Variants in PTPRD observed in about 807,000 individuals in gnomAD.
PTPRD encodes receptor-type tyrosine-protein phosphatase delta.
A neutral mutation model predicts 214.5 loss-of-function variants in PTPRD; 34 were observed. The ratio of observed to expected loss-of-function variants is 0.16; its 90% CI spans 0.12 to 0.21. The LOEUF is 0.21. Among genes scored for constraint, PTPRD ranks in the 10% least tolerant of loss-of-function variants. The pLI is 1.00. For missense variants in PTPRD, 2,545 were observed against 2,398.7 expected (o/e 1.06, Z -1.27); for synonymous variants, 1,128 against 845.7 (o/e 1.33, Z -5.79).
At chr9:9,417,246 C>T (rs2077261079) in intron 8 of PTPRD, among the ~76,000 whole-genome samples, 2 of 152,098 alleles carry the variant, frequency 1.3e-5, no homozygotes, top group Non-Finnish European at 2.9e-5. Context: ...GAATGTTAAT[C>T]TGCTTGGTAA....
At chr9:9,495,310 CAA>C (rs541722358) in intron 8 of PTPRD, among the ~76,000 whole-genome samples, 18 of 84,540 alleles carry the variant, frequency 2.1e-4, no homozygotes, top group Admixed American at 2.5e-4. Context: ...ACCTTCAAGC[CAA>C]AAAAAAAAAA....
At position 8,404,519 on chromosome 9, in the gene PTPRD, A is replaced by T. The variant is rs2130582214; in HGVS notation, c.4210+18T>A. 1 of 1,602,108 alleles carries T rather than the reference A, an allele frequency of 6.2e-7. No homozygotes were observed. The highest frequency in any genetic ancestry group is 2.2e-5 in the East Asian group (1 of 44,502). Reference sequence around the variant, plus strand: ...ATCCATGAAAATAAAGGTATCAGTGATGTCTGCATTTCCTTACCTTCTATA... The same window carrying T: ...ATCCATGAAAATAAAGGTATCAGTGTTGTCTGCATTTCCTTACCTTCTATA... On this transcript the variant is annotated intron_variant, in intron 36 of 45. Coordinates refer to ENST00000381196, the MANE Select transcript of PTPRD (RefSeq NM_002839.4).
chr9:9,434,225 G>A (rs1036705637), intron 8 of PTPRD, among the ~76,000 whole-genome samples: 7 of 152,088 alleles, frequency 4.6e-5, no homozygotes, highest in Admixed American at 1.3e-4. Flanking sequence ...AGATCTCTCT[G>A]AGCTTCTTCA....
intron 4 of PTPRD, among the ~76,000 whole-genome samples, chr9:9,941,603 G>A (rs150827559): frequency 0.012 from 1,849 of 152,292 alleles, 22 homozygotes; most frequent in Non-Finnish European, 0.018. Flanking sequence ...GATTACTGGC[G>A]TGAGCCACTG....
At chr9:9,719,487 A>T (rs2097896668) in intron 7 of PTPRD, among the ~76,000 whole-genome samples, 1 of 152,232 alleles carries the variant, frequency 6.6e-6, no homozygotes, top group Admixed American at 6.5e-5. Flanking sequence ...AGCTGCTTTA[A>T]CGTCATAGCC....
At chr9:9,957,618 C>A (rs1029819068) in intron 4 of PTPRD, among the ~76,000 whole-genome samples, 2 of 151,950 alleles carry the variant, frequency 1.3e-5, no homozygotes, top group African/African-American at 4.8e-5. Context: ...ACAACAAAAA[C>A]CTGTAGGGAA....
At chr9:9,379,276 C>A (rs1387007406) in intron 9 of PTPRD, among the ~76,000 whole-genome samples, 1 of 149,342 alleles carries the variant, frequency 6.7e-6, no homozygotes, top group Non-Finnish European at 1.5e-5. Context: ...TGTCCCTCTC[C>A]CATTTGTTGA....
chr9:8,802,131 G>C (rs2096584140), intron 11 of PTPRD, among the ~76,000 whole-genome samples: 1 of 152,096 alleles, frequency 6.6e-6, no homozygotes, highest in African/African-American at 2.4e-5. Flanking sequence ...CTTTTTCAGA[G>C]CCCTGGTCCT....
At chr9:9,580,318 T>C (rs2090334006) in intron 7 of PTPRD, among the ~76,000 whole-genome samples, 1 of 152,124 alleles carries the variant, frequency 6.6e-6, no homozygotes, top group Admixed American at 6.6e-5. Context: ...CTAATTTACA[T>C]TCCCACCAAC....
In PTPRD at chr9:10,106,723, G is replaced by A. The variant is rs148494989; in HGVS notation, c.-544-72933C>T. Among the ~76,000 whole-genome samples the A allele has an allele frequency of 2.3e-3, 353 of 151,896 alleles. 2 individuals are homozygous for A. The highest frequency in any genetic ancestry group is 8.3e-3 in the African/African-American group (343 of 41,466). On this transcript the variant is annotated intron_variant, in intron 3 of 45. Transcript: ENST00000381196. ...TGACCATTTGAACTAAAATAAAAAC[G>A]TGTCTTTCTCTTTCTTTTTTAAATA...
chr9:9,929,941 C>T (rs1479186400), intron 5 of PTPRD, among the ~76,000 whole-genome samples: 2 of 152,152 alleles, frequency 1.3e-5, no homozygotes, highest in Admixed American at 6.5e-5. Flanking sequence ...ATAATGAGGA[C>T]ACCAGAGATA....
At chr9:8,963,720 A>C (rs1190545355) in intron 11 of PTPRD, among the ~76,000 whole-genome samples, 3 of 152,072 alleles carry the variant, frequency 2.0e-5, no homozygotes, top group South Asian at 2.1e-4. Context: ...CCTGGGCTCA[A>C]GTCATCCTCC....
chr9:8,469,000 C>A (rs2096600714), intron 31 of PTPRD, among the ~76,000 whole-genome samples: 1 of 151,872 alleles, frequency 6.6e-6, no homozygotes, highest in South Asian at 2.1e-4. Flanking sequence ...CTTATTTCTT[C>A]CACCATTAAT....
At chr9:10,115,517 A>G (rs2098723511) in intron 3 of PTPRD, among the ~76,000 whole-genome samples, 1 of 152,116 alleles carries the variant, frequency 6.6e-6, no homozygotes, top group African/African-American at 2.4e-5. Flanking sequence ...GGGACACTGA[A>G]AGTTAACCCA....
intron 35 of PTPRD, among the ~76,000 whole-genome samples, chr9:8,409,016 A>C (rs921624392): frequency 2.0e-5 from 3 of 152,214 alleles, no homozygotes; most frequent in African/African-American, 7.2e-5. Context: ...TTTATCTCAA[A>C]CTAGGTAACT....
rs116238511 is a variant in PTPRD, at chr9:8,894,783, G to C, written c.-104+123914C>G. ...TTTACTCTTGGTTGATGGGCTTATAGTTGTTTTTATGATATGTCCTTGTTG... is the reference window on the plus strand; with the variant it reads ...TTTACTCTTGGTTGATGGGCTTATACTTGTTTTTATGATATGTCCTTGTTG... On this transcript the variant is annotated intron_variant, in intron 11 of 45. Coordinates refer to ENST00000381196, the MANE Select transcript of PTPRD (RefSeq NM_002839.4). Among the ~76,000 whole-genome samples, 1,166 of 152,124 alleles carry C rather than the reference G, an allele frequency of 7.7e-3. 14 individuals carry two copies. Among genetic ancestry groups the C allele is most frequent in the African/African-American group, 0.027 (1,102 of 41,416 alleles).
At chr9:10,001,065 G>T (rs1290324980) in intron 4 of PTPRD, among the ~76,000 whole-genome samples, 1 of 152,096 alleles carries the variant, frequency 6.6e-6, no homozygotes, top group Non-Finnish European at 1.5e-5. Flanking sequence ...TATCTCTGTA[G>T]CGGGGAGCTT....
intron 2 of PTPRD, among the ~76,000 whole-genome samples, chr9:10,432,437 A>T (rs112503872): frequency 4.3e-5 from 6 of 140,660 alleles, no homozygotes; most frequent in African/African-American, 1.7e-4. Context: ...AAAGTATAAT[A>T]AAAAAAAAAG....
At chr9:8,919,865 G>GTACATGCATGTATCATGCATACATAGATT in intron 11 of PTPRD, among the ~76,000 whole-genome samples, 1 of 150,628 alleles carries the variant, frequency 6.6e-6, no homozygotes, top group Admixed American at 6.6e-5. Flanking sequence ...ATACATAGAT[G>GTACATGCATGTATCATGCATACATAGATT]TACATGCATG....
Sources: gnomAD v4.1 joint callset for allele counts (sites outside exome capture counted in the v4.1 genomes callset) on GRCh38, gnomAD v4.1.1 for gene constraint, MANE v1.5 for transcripts, NCBI Gene and HGNC (gene_info 2026-07-23, HGNC 2026-07-21) for gene names.